FAM78B: variants seen among roughly 807,000 people sequenced by gnomAD.
FAM78B encodes family with sequence similarity 78 member B, also known as protein FAM78B.
A neutral mutation model predicts 20.0 loss-of-function variants in FAM78B; 10 were observed. The observed-to-expected ratio is 0.50, with a 90% CI of 0.31 to 0.85. The LOEUF (loss-of-function observed/expected upper bound fraction) is 0.85. Ranked by LOEUF, FAM78B falls within the 40% of genes least tolerant of loss-of-function variation. FAM78B has a pLI of 0.05. For synonymous variants in FAM78B, 135 were observed against 132.8 expected (o/e 1.02, Z -0.12); for missense variants, 283 against 345.0 (o/e 0.82, Z 1.42).
chr1:166,119,043 G>A (rs1026082440), intron 1 of FAM78B, among the ~76,000 whole-genome samples: 7 of 152,040 alleles, frequency 4.6e-5, no homozygotes, highest in African/African-American at 1.2e-4. Flanking sequence ...CTACAGAACC[G>A]GCTTCAAACT....
chr1:166,140,915 T>C (rs1557914964), intron 1 of FAM78B, among the ~76,000 whole-genome samples: 1 of 152,196 alleles, frequency 6.6e-6, no homozygotes, highest in Non-Finnish European at 1.5e-5. Context: ...AATATTATCA[T>C]TAGTGCTCAG....
At chr1:166,135,050 T>A (rs1388801486) in intron 1 of FAM78B, among the ~76,000 whole-genome samples, 1 of 152,090 alleles carries the variant, frequency 6.6e-6, no homozygotes, top group Non-Finnish European at 1.5e-5. Context: ...AACAGGTATG[T>A]TACTATGCAA....
At chr1:166,145,287 T>C (rs1655415502) in intron 1 of FAM78B, among the ~76,000 whole-genome samples, 1 of 152,190 alleles carries the variant, frequency 6.6e-6, no homozygotes, top group African/African-American at 2.4e-5. Context: ...TCTTTGCAAG[T>C]CAAAGGTGCC....
At chr1:166,095,016 G>C (rs10918343) in intron 1 of FAM78B, among the ~76,000 whole-genome samples, 5,820 of 152,258 alleles carry the variant, frequency 0.038, 356 homozygotes, top group African/African-American at 0.13. Flanking sequence ...TCAGCAGGTG[G>C]CTGAGCTGAC....
At chr1:166,136,141 T>C (rs150925216) in intron 1 of FAM78B, among the ~76,000 whole-genome samples, 1 of 152,316 alleles carries the variant, frequency 6.6e-6, no homozygotes, top group Non-Finnish European at 1.5e-5. Flanking sequence ...GCCAGTAATT[T>C]GCTTGTCTGT....
chr1:166,133,796 C>T (rs927109695), intron 1 of FAM78B, among the ~76,000 whole-genome samples: 1 of 152,158 alleles, frequency 6.6e-6, no homozygotes, highest in Non-Finnish European at 1.5e-5. Context: ...TGGCCACTCG[C>T]GAGGTGCTTA....
At chr1:166,094,584 T>A (rs1653203977) in intron 1 of FAM78B, among the ~76,000 whole-genome samples, 1 of 152,220 alleles carries the variant, frequency 6.6e-6, no homozygotes, top group Non-Finnish European at 1.5e-5. Flanking sequence ...CTTCCAACAG[T>A]CTGCAATTTT....
chr1:166,145,986 T>C (rs1404686782), intron 1 of FAM78B, among the ~76,000 whole-genome samples: 2 of 152,214 alleles, frequency 1.3e-5, no homozygotes, highest in East Asian at 3.8e-4. Flanking sequence ...TCAGTCTTAG[T>C]TCTTTTCATT....
chr1:166,140,139 G>A lies in FAM78B; in HGVS notation c.263+25847C>T, dbSNP rs148693060. 3.9e-4 allele frequency among the ~76,000 whole-genome samples: 60 copies of A among 152,350 alleles called. No homozygotes were observed. The East Asian group carries it at 0.011, about 27-fold the overall frequency. On this transcript the variant is annotated intron_variant, in intron 1 of 1. Coordinates refer to ENST00000354422, the MANE Select transcript of FAM78B (RefSeq NM_001017961.5). The stretch of plus-strand genomic sequence containing the variant: ...GGAATAAGATGGCCTTTCTAACAGT[G>A]GCCTGGACATTCCAGGAGCAGTAGC...
In FAM78B at chr1:166,166,050, C is replaced by T; in HGVS notation, c.199G>A (p.Val67Met). 2 of 1,613,980 alleles carry T rather than the reference C, an allele frequency of 1.2e-6. No homozygotes were observed. Among genetic ancestry groups the T allele is most frequent in the African/African-American group, 2.7e-5 (2 of 75,044 alleles). ...MPPIPRHETW[V>M]VGWIQACNQM... Reference sequence around the variant, plus strand: ...TTGCACGCCTGAATCCAGCCCACCACCCAGGTCTCGTGGCGGGGGATGGGG... The same window carrying T: ...TTGCACGCCTGAATCCAGCCCACCATCCAGGTCTCGTGGCGGGGGATGGGG... The change falls in exon 1 of 2, where the codon GTG (valine) becomes ATG (methionine). Residue 67 changes from valine (V) to methionine (M), a missense_variant. Coordinates refer to ENST00000354422, the MANE Select transcript of FAM78B (RefSeq NM_001017961.5).
chr1:166,155,808 G>GT (rs1353788998), intron 1 of FAM78B, among the ~76,000 whole-genome samples: 1 of 151,858 alleles, frequency 6.6e-6, no homozygotes, highest in Non-Finnish European at 1.5e-5. Flanking sequence ...GGAATAGAAG[G>GT]TAAGTAAGAT....
intron 1 of FAM78B, among the ~76,000 whole-genome samples, chr1:166,150,265 C>T (rs1393452686): frequency 6.6e-6 from 1 of 152,180 alleles, no homozygotes; most frequent in Non-Finnish European, 1.5e-5. Context: ...CTTGGCTCCC[C>T]CTTCACCCCT....
chr1:166,075,931 T>C (rs934811186), intron 1 of FAM78B, among the ~76,000 whole-genome samples: 1 of 152,192 alleles, frequency 6.6e-6, no homozygotes, highest in Non-Finnish European at 1.5e-5. Context: ...TTGGCCACTC[T>C]CTCACATTCC....
At chr1:166,154,617 AC>A in intron 1 of FAM78B, 1 of 449,662 alleles carries the variant, frequency 2.2e-6, no homozygotes, top group Non-Finnish European at 4.7e-6. Context: ...GAAGACCTGG[AC>A]CCTCAGCAAA....
chr1:166,104,288 T>C (rs566225787), intron 1 of FAM78B, among the ~76,000 whole-genome samples: 2 of 152,126 alleles, frequency 1.3e-5, no homozygotes, highest in South Asian at 4.1e-4. Flanking sequence ...CTTTGAAAAC[T>C]GGCACAAGAC....
intron 1 of FAM78B, among the ~76,000 whole-genome samples, chr1:166,125,518 G>A (rs1654609185): frequency 6.6e-6 from 1 of 152,180 alleles, no homozygotes; most frequent in African/African-American, 2.4e-5. Flanking sequence ...CAGATATGAT[G>A]AGAGAAGCCT....
chr1:166,157,030 CGG>C (rs1655925683), intron 1 of FAM78B, among the ~76,000 whole-genome samples: 2 of 12,932 alleles, frequency 1.5e-4, no homozygotes, highest in African/African-American at 1.5e-4. Context: ...GTCAAGGGGG[CGG>C]CGGAGGGGGG....
At position 166,166,907 on chromosome 1, in the gene FAM78B, C is replaced by CG. The variant is rs1171701795; in HGVS notation, c.-660dup. On this transcript the variant is annotated 5_prime_UTR_variant, in exon 1 of 2. It introduces an in-frame stop codon into an upstream open reading frame of the 5' UTR. Coordinates refer to ENST00000354422, the MANE Select transcript of FAM78B (RefSeq NM_001017961.5). ...ACTCCTCGGCCCGGCTGCCTCGGCC[C>CG]GGGGGGCGCCAGGAGGCTGTGGCCC... 2 of 151,758 alleles carry CG rather than the reference C, an allele frequency of 1.3e-5. No homozygotes were observed. The highest frequency in any genetic ancestry group is 1.5e-5 in the Non-Finnish European group (1 of 67,966). The allele number at this position is 151,758 out of a possible 1,614,324, so 9.4% of individuals were successfully genotyped here.
intron 1 of FAM78B, among the ~76,000 whole-genome samples, chr1:166,096,254 C>T (rs774223781): frequency 2.4e-4 from 36 of 152,196 alleles, no homozygotes; most frequent in Non-Finnish European, 1.5e-4. Context: ...TCCCTTGGGT[C>T]TTGGAGTTCT....
Sources: allele counts gnomAD v4.1 joint callset (sites outside exome capture counted in the v4.1 genomes callset), GRCh38; gene constraint gnomAD v4.1.1; transcripts MANE v1.5; gene names NCBI Gene and HGNC (gene_info 2026-07-23, HGNC 2026-07-21).